GABPB1: variants seen among roughly 807,000 people sequenced by gnomAD.
The protein encoded by GABPB1 is GA binding protein transcription factor subunit beta 1, also known as GA-binding protein subunit beta-1.
GABPB1 carries 15 observed loss-of-function variants against 45.9 expected under a neutral mutation model. The observed-to-expected ratio is 0.33, with a 90% CI of 0.22 to 0.50. GABPB1 has a LOEUF of 0.50. Ranked by LOEUF, GABPB1 falls within the 20% of genes least tolerant of loss-of-function variation. GABPB1 has a pLI of 0.98. For missense variants in GABPB1, 252 were observed against 457.5 expected (o/e 0.55, Z 4.10); for synonymous variants, 143 against 154.4 (o/e 0.93, Z 0.55).
At chr15:50,289,767 C>CTTTTCTT (rs1317380323) in intron 6 of GABPB1, 99 bp from the exon 7 acceptor site, 8 of 701,790 alleles carry the variant, frequency 1.1e-5, no homozygotes, top group Non-Finnish European at 1.7e-5. Flanking sequence ...ATGCTTCTTT[C>CTTTTCTT]TTTTCTTTTT....
At chr15:50,282,547 C>T in intron 8 of GABPB1, among the ~76,000 whole-genome samples, 1 of 47,124 alleles carries the variant, frequency 2.1e-5, no homozygotes, top group Admixed American at 2.6e-4. Context: ...AAGTGAGACC[C>T]TGCCTTAAAA....
chr15:50,337,575 A>G (rs542553794), intron 1 of GABPB1, among the ~76,000 whole-genome samples: 1 of 152,078 alleles, frequency 6.6e-6, no homozygotes, highest in South Asian at 2.1e-4. Flanking sequence ...ACCAGCCTGG[A>G]CAACATGAAG....
intron 1 of GABPB1, among the ~76,000 whole-genome samples, chr15:50,347,969 G>A (rs189751424): frequency 3.1e-4 from 47 of 149,380 alleles, no homozygotes; most frequent in African/African-American, 1.2e-3. Flanking sequence ...CTTGAACCCG[G>A]GAGGCAGAGG....
intron 3 of GABPB1, among the ~76,000 whole-genome samples, 177 bp downstream of exon 3, chr15:50,303,789 T>A (rs553915009): frequency 1.3e-5 from 2 of 152,190 alleles, no homozygotes; most frequent in East Asian, 3.9e-4. Context: ...TAAATGAAGT[T>A]TTGTCCCTCA....
At chr15:50,300,673 G>C in intron 6 of GABPB1, 116 bp downstream of exon 6, 1 of 650,822 alleles carries the variant, frequency 1.5e-6, no homozygotes, top group Non-Finnish European at 2.8e-6. Flanking sequence ...TCAAACTCCT[G>C]AGCTCAGGCA....
intron 1 of GABPB1, chr15:50,351,057 T>G (rs1227637467): frequency 6.6e-6 from 1 of 152,148 alleles, no homozygotes; most frequent in Non-Finnish European, 1.5e-5. Flanking sequence ...ACCTTGGAAA[T>G]GAGAAAAATT....
In GABPB1 at chr15:50,276,284, A is replaced by C. The variant is rs1463088592; in HGVS notation, c.*2348T>G. On this transcript the variant is annotated 3_prime_UTR_variant, in exon 9 of 9. Transcript: ENST00000380877. ...TCTGTTCAGAGCACTATTGAGAATG[A>C]CTAGAATGCAAAGCTTTTACAGCCC... 1 of 152,230 alleles carries C rather than the reference A, an allele frequency of 6.6e-6. No homozygotes were observed. Among genetic ancestry groups the C allele is most frequent in the Non-Finnish European group, 1.5e-5 (1 of 68,042 alleles). The allele number at this position is 152,230 out of a possible 1,614,324, so 9.4% of individuals were successfully genotyped here. A position where few individuals can be genotyped will look rare whatever the true frequency, so the allele number is the denominator to read the frequency against.
chr15:50,353,104 GTGT>G (rs1470941579), intron 1 of GABPB1: 3 of 152,244 alleles, frequency 2.0e-5, no homozygotes, highest in African/African-American at 7.2e-5. Context: ...TGGAATTCAC[GTGT>G]TACTTGTGTA....
intron 7 of GABPB1, among the ~76,000 whole-genome samples, chr15:50,288,995 T>C (rs560618080): frequency 4.6e-5 from 7 of 152,126 alleles, no homozygotes; most frequent in Non-Finnish European, 8.8e-5. Flanking sequence ...CTAGCTAATT[T>C]TGAATATTTT....
At chr15:50,340,349 A>T (rs1292548352) in intron 1 of GABPB1, among the ~76,000 whole-genome samples, 8 of 152,170 alleles carry the variant, frequency 5.3e-5, no homozygotes, top group Non-Finnish European at 1.2e-4. Context: ...AGTCTTCTTC[A>T]CATATTTTTC....
chr15:50,315,077 T>C (rs1341909899), intron 1 of GABPB1, among the ~76,000 whole-genome samples: 1 of 152,264 alleles, frequency 6.6e-6, no homozygotes, highest in Non-Finnish European at 1.5e-5. Context: ...TCCTTTATAT[T>C]ATAATCAAAA....
chr15:50,331,663 T>TTATC (rs2047952596), intron 1 of GABPB1, among the ~76,000 whole-genome samples: 1 of 152,166 alleles, frequency 6.6e-6, no homozygotes, highest in African/African-American at 2.4e-5. Context: ...GCTACTCCTG[T>TTATC]TATCATTTGG....
chr15:50,317,147 G>A (rs1419961953), intron 1 of GABPB1, among the ~76,000 whole-genome samples: 1 of 152,050 alleles, frequency 6.6e-6, no homozygotes, highest in Non-Finnish European at 1.5e-5. Flanking sequence ...TGTAATCCCA[G>A]CACTTTGGGA....
intron 1 of GABPB1, chr15:50,348,826 C>T (rs554719901): frequency 6.6e-6 from 1 of 152,016 alleles, no homozygotes; most frequent in Non-Finnish European, 1.5e-5. Context: ...CGTGCCACTG[C>T]ATTCCAGCTT....
At position 50,303,082 on chromosome 15, in the gene GABPB1, T is replaced by C. The variant is rs762847195; in HGVS notation, c.318A>G (p.Thr106=). 1.2e-6 allele frequency: 2 copies of C among 1,613,594 alleles called. No individual in the cohort carries two copies. Among genetic ancestry groups the C allele is most frequent in the Non-Finnish European group, 1.7e-6 (2 of 1,179,920 alleles). The change falls in exon 4 of 9, where the codon ACA becomes ACG. Residue 106 remains threonine (T), a synonymous_variant. Coordinates refer to ENST00000380877, the MANE Select transcript of GABPB1 (RefSeq NM_016654.5). Reference sequence around the variant, plus strand: ...TGTGTTCTGTGGCCCAATGGAGAGCTGTCATCTTTAACATGTCCTTTGCAT... The same window carrying C: ...TGTGTTCTGTGGCCCAATGGAGAGCCGTCATCTTTAACATGTCCTTTGCAT... ...DVNAKDMLKM[T]ALHWATEHNH...
chr15:50,303,539 G>A (rs541206689), intron 3 of GABPB1, among the ~76,000 whole-genome samples: 2 of 152,018 alleles, frequency 1.3e-5, no homozygotes, highest in Non-Finnish European at 2.9e-5. Flanking sequence ...AAAATTAGCT[G>A]GGCATGGTGG....
intron 6 of GABPB1, among the ~76,000 whole-genome samples, chr15:50,292,458 A>C (rs927522368): frequency 3.3e-5 from 5 of 152,140 alleles, no homozygotes; most frequent in African/African-American, 9.7e-5. Flanking sequence ...AAAGTATCCC[A>C]CCAAAGATTA....
At chr15:50,341,362 G>T (rs948622693) in intron 1 of GABPB1, among the ~76,000 whole-genome samples, 4 of 151,942 alleles carry the variant, frequency 2.6e-5, no homozygotes, top group African/African-American at 9.7e-5. Context: ...GAGAAACCCC[G>T]TCTCTACTAA....
At chr15:50,301,960 T>C (rs1432300070) in intron 4 of GABPB1, among the ~76,000 whole-genome samples, 1 of 152,146 alleles carries the variant, frequency 6.6e-6, no homozygotes, top group Non-Finnish European at 1.5e-5. Context: ...AGAGGCATGG[T>C]AGAATTCATT....
Sources: gnomAD v4.1 joint callset for allele counts (sites outside exome capture counted in the v4.1 genomes callset) on GRCh38, gnomAD v4.1.1 for gene constraint, MANE v1.5 for transcripts, NCBI Gene and HGNC (gene_info 2026-07-23, HGNC 2026-07-21) for gene names.